EML5: variants seen among roughly 807,000 people sequenced by gnomAD.
EML5 encodes echinoderm microtubule-associated protein-like 5.
Under a neutral mutation model 250.0 loss-of-function variants are expected in EML5, and 120 were observed. The ratio of observed to expected loss-of-function variants is 0.48; its 90% confidence interval spans 0.41 to 0.56. The LOEUF (loss-of-function observed/expected upper bound fraction) is 0.56, where lower values mean the gene tolerates loss of function less well. Ranked by LOEUF, EML5 falls within the 20% of genes least tolerant of loss-of-function variation. The pLI is 0.00. For synonymous variants in EML5, 771 were observed against 806.5 expected (o/e 0.96, Z 0.75); for missense variants, 2,006 against 2,437.6 (o/e 0.82, Z 3.73).
At chr14:88,671,679 C>G (rs184594239) in intron 21 of EML5, among the ~76,000 whole-genome samples, 1 of 152,158 alleles carries the variant, frequency 6.6e-6, no homozygotes, top group Admixed American at 6.5e-5. Flanking sequence ...AAGACACATA[C>G]AGGCTCAAAA....
chr14:88,781,305 A>T (rs575153339), intron 1 of EML5, among the ~76,000 whole-genome samples: 1 of 152,374 alleles, frequency 6.6e-6, no homozygotes, highest in South Asian at 2.1e-4. Flanking sequence ...GTAAAACTGC[A>T]GAACTTTCAC....
At chr14:88,703,730 C>T (rs945111084) in intron 13 of EML5, among the ~76,000 whole-genome samples, 1 of 152,098 alleles carries the variant, frequency 6.6e-6, no homozygotes, top group Non-Finnish European at 1.5e-5. Flanking sequence ...ATGTGAGACC[C>T]GTATTGCCAG....
At chr14:88,616,265 C>T (rs1335764154) in intron 42 of EML5, 23 bp from the exon 43 acceptor site, 1 of 1,609,572 alleles carries the variant, frequency 6.2e-7, no homozygotes, top group Non-Finnish European at 8.5e-7. Context: ...GACAGACAAG[C>T]TCAGGGCATT....
Position 88,622,654 on chromosome 14 carries a change from G to A in EML5, c.4963C>T (p.Leu1655Phe). 2 of 1,611,646 alleles carry A rather than the reference G, an allele frequency of 1.2e-6. No homozygotes were observed. The highest frequency in any genetic ancestry group is 2.2e-5 in the East Asian group (1 of 44,766). Residue 1655 changes from leucine to phenylalanine, a missense_variant, in exon 37 of 44, where the codon CTT (leucine) becomes TTT (phenylalanine). Around this residue, in one of 7 missense-constraint regions of EML5, gnomAD observed 405 missense variants for 523.3 expected, o/e 0.77. Coordinates refer to ENST00000554922, the MANE Select transcript of EML5 (RefSeq NM_183387.3). ...CAATCTGTGGCTTGTCCTGTCTCAA[G>A]CCTGAAGGCACGGCACCGCCTCAGT... is the stretch of plus-strand genomic sequence containing the variant. ...QELRRCRAFR[L>F]ETGQATDCVR...
chr14:88,625,324 C>A (rs1021534237), intron 35 of EML5, 197 bp from the exon 36 acceptor site: 4 of 556,720 alleles, frequency 7.2e-6, no homozygotes, highest in Middle Eastern at 9.7e-4. Flanking sequence ...TTTTCCTTTC[C>A]AAGTCTGTTG....
chr14:88,625,492 C>T (rs1485525735), intron 35 of EML5: 3 of 159,100 alleles, frequency 1.9e-5, no homozygotes, highest in African/African-American at 7.2e-5. Context: ...ACCTCTGCTT[C>T]CCAGGTTCAA....
At chr14:88,624,852 T>TAAG in intron 36 of EML5, 118 bp downstream of exon 36, 1 of 1,044,144 alleles carries the variant, frequency 9.6e-7, no homozygotes, top group South Asian at 1.8e-5. Context: ...GAGAAGCATA[T>TAAG]GAGGAGGAAG....
chr14:88,712,286 G>A lies in EML5; in HGVS notation c.1642C>T (p.Pro548Ser). Reference protein sequence around the residue: ...DYGIIKLFRYPCLRKGAKFRK... With the variant: ...DYGIIKLFRYSCLRKGAKFRK... ...GAAAAGGTACCTTTTCTTAAACATG[G>A]ATATCGGAATAATTTTATAATTCCA... Residue 548 changes from proline to serine, a missense_variant, in exon 10 of 44, where the codon CCA becomes TCA. By Grantham distance (74) the Pro-to-Ser change is moderately conservative. This residue lies in a region of EML5 where 1,375 missense variants were observed against 1,590.3 expected (regional missense o/e 0.86). Coordinates refer to ENST00000554922, the MANE Select transcript of EML5 (RefSeq NM_183387.3). The A allele has an allele frequency of 6.2e-7, 1 of 1,608,636 alleles. No individual in the cohort carries two copies. Among genetic ancestry groups the A allele is most frequent in the Non-Finnish European group, 8.5e-7 (1 of 1,176,786 alleles).
chr14:88,618,991 A>G, intron 39 of EML5, 179 bp from the exon 40 acceptor site: 2 of 485,898 alleles, frequency 4.1e-6, no homozygotes, highest in South Asian at 6.0e-5. Context: ...TGAAATAAGG[A>G]AGCTTTATAT....
At chr14:88,790,840 G>C (rs1289433252) in intron 1 of EML5, among the ~76,000 whole-genome samples, 3 of 152,068 alleles carry the variant, frequency 2.0e-5, no homozygotes, top group African/African-American at 7.2e-5. Context: ...TAATTACTAC[G>C]GGTTTACTTT....
chr14:88,759,655 G>A (rs1222729466), intron 1 of EML5, among the ~76,000 whole-genome samples: 1 of 135,534 alleles, frequency 7.4e-6, no homozygotes, highest in Non-Finnish European at 1.5e-5. Context: ...CTATACTCCA[G>A]TCTGAGTGAC....
chr14:88,763,136 GAAGAC>G (rs780797264), intron 1 of EML5, among the ~76,000 whole-genome samples: 1 of 152,118 alleles, frequency 6.6e-6, no homozygotes, highest in Non-Finnish European at 1.5e-5. Flanking sequence ...AAAGCTAGCA[GAAGAC>G]AAGAAATAAC....
At chr14:88,618,623 C>T in intron 40 of EML5, 27 bp downstream of exon 40, 1 of 1,584,432 alleles carries the variant, frequency 6.3e-7, no homozygotes, top group South Asian at 1.2e-5. Context: ...GAACTTGCCA[C>T]CTGGGTATAC....
At chr14:88,640,802 T>C (rs1250130094) in intron 31 of EML5, among the ~76,000 whole-genome samples, 1 of 151,812 alleles carries the variant, frequency 6.6e-6, no homozygotes, top group African/African-American at 2.4e-5. Context: ...ACAAGATCAA[T>C]AGACCACTAG....
chr14:88,669,349 G>C (rs1043782760), intron 21 of EML5, among the ~76,000 whole-genome samples: 1 of 152,166 alleles, frequency 6.6e-6, no homozygotes, highest in Non-Finnish European at 1.5e-5. Context: ...TGAGCTCCCT[G>C]GGCGAGGGGC....
intron 28 of EML5, among the ~76,000 whole-genome samples, chr14:88,647,779 G>A (rs1340128942): frequency 2.0e-5 from 3 of 149,484 alleles, no homozygotes; most frequent in African/African-American, 4.9e-5. Context: ...AAATAAATGA[G>A]AATTCAATAT....
At chr14:88,643,310 A>C (rs961860203) in intron 30 of EML5, among the ~76,000 whole-genome samples, 6 of 152,212 alleles carry the variant, frequency 3.9e-5, no homozygotes, top group South Asian at 2.1e-4. Context: ...TTTCACATGT[A>C]AACACTGAGG....
Position 88,687,226 on chromosome 14 carries a change from TG to T in EML5, c.2843del (p.Pro948GlnfsTer19). 6.2e-7 allele frequency: 1 copy of T among 1,606,612 alleles called. No homozygotes were observed. The highest frequency in any genetic ancestry group is 8.5e-7 in the Non-Finnish European group (1 of 1,177,258). The stretch of plus-strand genomic sequence containing the variant: ...TAAGTCTCAAATCACCTTTAGATCC[TG>T]GGGCCAATGCAGCTCTTTTTATAGC... ...TYAIKRAALA[P>X]GSKGLLLEDN... On this transcript the variant is annotated frameshift_variant, in exon 19 of 44. Transcript: ENST00000554922. LOFTEE classifies it high-confidence loss of function.
intron 17 of EML5, among the ~76,000 whole-genome samples, chr14:88,688,748 A>G (rs1376253209): frequency 6.6e-6 from 1 of 152,210 alleles, no homozygotes; most frequent in East Asian, 1.9e-4. Context: ...AGTTTTTATT[A>G]TGACATATTT....
Sources: gnomAD v4.1 joint callset for allele counts (sites outside exome capture counted in the v4.1 genomes callset) on GRCh38, gnomAD v4.1.1 for gene constraint, gnomAD v4.1.1 regional missense constraint, MANE v1.5 for transcripts, NCBI Gene and HGNC (gene_info 2026-07-23, HGNC 2026-07-21) for gene names.